The following THNSL1 variants were observed in gnomAD, a reference collection of about 807,000 sequenced individuals.
THNSL1 encodes threonine synthase like 1.
Under a neutral mutation model 50.4 loss-of-function variants are expected in THNSL1, and 48 were observed. The ratio of observed to expected loss-of-function variants is 0.95; its 90% CI spans 0.76 to 1.21. The LOEUF (loss-of-function observed/expected upper bound fraction) is 1.21, where lower values mean the gene tolerates loss of function less well. THNSL1 is among the 50% of genes most tolerant of loss of function. The probability of loss-of-function intolerance (pLI) is 0.00; values close to 1 mark genes in which losing one functional copy is unlikely to be tolerated. For missense variants in THNSL1, 896 were observed against 871.7 expected (o/e 1.03, Z -0.35); for synonymous variants, 309 against 306.1 (o/e 1.01, Z -0.10).
At chr10:24,993,184 A>G in the THNSL1 span, among the ~76,000 whole-genome samples, 3 of 152,200 alleles carry the variant, frequency 2.0e-5, no homozygotes, top group Admixed American at 2.0e-4. Flanking sequence ...GATACAGTTC[A>G]GAAAAAAAAC....
At chr10:24,965,717 T>C in the THNSL1 span, among the ~76,000 whole-genome samples, 1 of 152,246 alleles carries the variant, frequency 6.6e-6, no homozygotes, top group Non-Finnish European at 1.5e-5. Context: ...GTGTATACTT[T>C]CCTCTTGATT....
At chr10:24,973,339 A>G in the THNSL1 span, among the ~76,000 whole-genome samples, 3 of 151,890 alleles carry the variant, frequency 2.0e-5, no homozygotes, top group Non-Finnish European at 4.4e-5. Flanking sequence ...GTGCTACTAG[A>G]TGGGCAGGGA....
At chr10:24,991,920 G>A in the THNSL1 span, among the ~76,000 whole-genome samples, 2 of 152,210 alleles carry the variant, frequency 1.3e-5, no homozygotes, top group African/African-American at 4.8e-5. Flanking sequence ...TTTGGAGTCA[G>A]AGCCTCACAA....
the THNSL1 span, among the ~76,000 whole-genome samples, chr10:24,991,791 G>A: frequency 1.3e-5 from 2 of 152,230 alleles, no homozygotes; most frequent in Admixed American, 6.5e-5. Context: ...CTTGTCATAA[G>A]GCAGGGAGTC....
chr10:25,016,585 C>T (rs1430392591), upstream of THNSL1: 1 of 152,314 alleles, frequency 6.6e-6, no homozygotes, highest in African/African-American at 2.4e-5. Flanking sequence ...AGTCACGTGC[C>T]CTGCGCGAGG....
chr10:24,952,915 C>T, the THNSL1 span, among the ~76,000 whole-genome samples: 21 of 152,016 alleles, frequency 1.4e-4, 1 homozygote, highest in South Asian at 4.1e-3. The surrounding 1 kb of genome is among the most constrained non-coding windows in gnomAD (Gnocchi z 5.1). Context: ...GCCCCCGGCC[C>T]CGCCGCCAAG....
the THNSL1 span, among the ~76,000 whole-genome samples, chr10:24,998,753 G>C: frequency 4.6e-5 from 7 of 151,828 alleles, no homozygotes; most frequent in Non-Finnish European, 8.8e-5. Context: ...CCATAACTGG[G>C]ATCAAGTATA....
At chr10:24,998,278 CT>C in the THNSL1 span, among the ~76,000 whole-genome samples, 2 of 149,564 alleles carry the variant, frequency 1.3e-5, no homozygotes, top group Non-Finnish European at 3.0e-5. Context: ...TTTCTTTTTT[CT>C]TTTCTTTTCT....
chr10:25,019,269 T>C (rs546946500), intron 1 of THNSL1, among the ~76,000 whole-genome samples: 36 of 152,008 alleles, frequency 2.4e-4, no homozygotes, highest in African/African-American at 8.4e-4. Flanking sequence ...AGCCCAGGAG[T>C]TGGAGACCAG....
the THNSL1 span, chr10:24,984,323 T>C: frequency 6.3e-7 from 1 of 1,590,598 alleles, no homozygotes; most frequent in Admixed American, 1.8e-5. Flanking sequence ...CGTGTTACTA[T>C]TTCCAGTTCA....
At chr10:24,967,520 T>G in the THNSL1 span, among the ~76,000 whole-genome samples, 1 of 152,128 alleles carries the variant, frequency 6.6e-6, no homozygotes, top group Admixed American at 6.5e-5. Context: ...GTGTTACTCT[T>G]TGCTTAATTC....
At chr10:25,005,697 T>C in the THNSL1 span, among the ~76,000 whole-genome samples, 1 of 152,192 alleles carries the variant, frequency 6.6e-6, no homozygotes, top group Non-Finnish European at 1.5e-5. Flanking sequence ...CAGGCTCATG[T>C]CTATATCAAG....
the THNSL1 span, among the ~76,000 whole-genome samples, chr10:24,996,726 A>G: frequency 2.0e-5 from 3 of 152,134 alleles, no homozygotes; most frequent in Non-Finnish European, 4.4e-5. Context: ...CTTTTTTATT[A>G]GTTTATATAA....
At chr10:25,022,453 A>G (rs1850740544) in intron 2 of THNSL1, among the ~76,000 whole-genome samples, 1 of 152,180 alleles carries the variant, frequency 6.6e-6, no homozygotes, top group Non-Finnish European at 1.5e-5. Flanking sequence ...AATTTTTCTT[A>G]ACTATTTGTA....
At chr10:24,972,747 C>T in the THNSL1 span, among the ~76,000 whole-genome samples, 6 of 152,070 alleles carry the variant, frequency 3.9e-5, no homozygotes, top group African/African-American at 1.4e-4. Context: ...AAAGTTGCAA[C>T]ATTCCTGACA....
At chr10:24,966,289 A>C in the THNSL1 span, among the ~76,000 whole-genome samples, 2 of 152,372 alleles carry the variant, frequency 1.3e-5, no homozygotes, top group South Asian at 4.1e-4. Context: ...GTGTGCAAAG[A>C]AAGGCCCTAA....
the THNSL1 span, chr10:24,995,859 A>C: frequency 6.2e-7 from 1 of 1,603,148 alleles, no homozygotes; most frequent in Non-Finnish European, 8.5e-7. Context: ...CGTTCCGATC[A>C]AAGTTTTTTT....
the THNSL1 span, among the ~76,000 whole-genome samples, chr10:24,989,531 A>G: frequency 2.6e-5 from 4 of 152,222 alleles, no homozygotes; most frequent in Non-Finnish European, 5.9e-5. Flanking sequence ...ACATCTATAC[A>G]TGTACATAGA....
chr10:25,010,739 CCAAT>C, the THNSL1 span, among the ~76,000 whole-genome samples: 1 of 136,732 alleles, frequency 7.3e-6, no homozygotes, highest in Admixed American at 8.1e-5. Flanking sequence ...ATGACGATTT[CCAAT>C]TTCATCCATG....
Sources: allele counts gnomAD v4.1 joint callset (sites outside exome capture counted in the v4.1 genomes callset), GRCh38; gene constraint gnomAD v4.1.1; non-coding constraint Gnocchi (gnomAD v3.1); transcripts MANE v1.5; gene names NCBI Gene and HGNC (gene_info 2026-07-23, HGNC 2026-07-21).